Variants in DNAH10 observed in about 807,000 individuals in gnomAD.
DNAH10 encodes the protein axonemal beta dynein heavy chain 10.
DNAH10 carries 348 observed loss-of-function variants against 506.6 expected under a neutral mutation model. That is an observed-to-expected ratio of 0.69 (90% confidence interval 0.63 to 0.75). DNAH10 has a LOEUF of 0.75. Ranked by LOEUF, DNAH10 falls within the 30% of genes least tolerant of loss-of-function variation. DNAH10 has a pLI of 0.00. For missense variants in DNAH10, 5,179 were observed against 5,787.1 expected, an observed-to-expected ratio of 0.89 and a Z score of 3.41; for synonymous variants, 2,059 against 2,198.6, an observed-to-expected ratio of 0.94 and a Z score of 1.78.
chr12:123,860,606 A>G (rs11057374), intron 38 of DNAH10, among the ~76,000 whole-genome samples: 43,931 of 152,118 alleles, frequency 0.29, 6,678 homozygotes, highest in Middle Eastern at 0.38. Flanking sequence ...AGGAGGATTG[A>G]ACATTAGTAG....
intron 34 of DNAH10, among the ~76,000 whole-genome samples, chr12:123,849,128 C>T (rs1358772766): frequency 1.3e-5 from 2 of 152,040 alleles, no homozygotes; most frequent in African/African-American, 4.8e-5. Context: ...TATGAATGGG[C>T]GTGGGGCAGA....
Position 123,864,624 on chromosome 12 carries a change from C to T in DNAH10, c.6938C>T (p.Ala2313Val), listed in dbSNP as rs1951733064. Residue 2313 changes from alanine (A) to valine (V), a missense_variant, in exon 40 of 79, where the codon GCT becomes GTT. Around this residue, in one of 3 missense-constraint regions of DNAH10, gnomAD observed 4,844 missense variants for 5,430.5 expected, o/e 0.89. Coordinates refer to ENST00000673944, the MANE Select transcript of DNAH10 (RefSeq NM_001372106.1). ...ATTTTATTTGATGGTGATGTGGATGCTCTATGGGTGGAAAACATGAATTCT... is the reference window on the plus strand; with the variant it reads ...ATTTTATTTGATGGTGATGTGGATGTTCTATGGGTGGAAAACATGAATTCT... ...KYILFDGDVD[A>V]LWVENMNSVM... 6.2e-7 allele frequency: 1 copy of T among 1,613,930 alleles called. No homozygotes were observed. The highest frequency in any genetic ancestry group is 1.7e-5 in the Admixed American group (1 of 60,020).
chr12:123,924,141 C>A, intron 66 of DNAH10, 137 bp from the exon 67 acceptor site: 1 of 1,239,910 alleles, frequency 8.1e-7, no homozygotes, highest in Non-Finnish European at 1.1e-6. Flanking sequence ...GTGACGAGGG[C>A]AAGCCTGGGC....
intron 76 of DNAH10, 76 bp downstream of exon 76, chr12:123,932,184 C>T (rs890172620): frequency 5.4e-5 from 84 of 1,561,244 alleles, no homozygotes; most frequent in Non-Finnish European, 7.2e-5. Context: ...TCCCAATCCC[C>T]TCTTTCCATT....
Position 123,916,764 on chromosome 12 carries a change from A to G in DNAH10, c.11002+28A>G, listed in dbSNP as rs762257049. The G allele has an allele frequency of 1.9e-6, 3 of 1,580,906 alleles. No homozygotes were observed. The African/African-American group carries it at 4.1e-5, about 21-fold the overall frequency. The stretch of plus-strand genomic sequence containing the variant: ...AAGAATGTGTAGAACCTCCACTGCT[A>G]ATTCAGATGGTTATGAGGGAGACCG... On this transcript the variant is annotated intron_variant, in intron 63 of 78. Coordinates refer to ENST00000673944, the MANE Select transcript of DNAH10 (RefSeq NM_001372106.1). This position sits in a 1 kb window ranked among gnomAD's most constrained non-coding sequence, Gnocchi z 4.6.
At chr12:123,924,640 G>GTCCATCCATCCA (rs201642127) in intron 67 of DNAH10, among the ~76,000 whole-genome samples, 8,300 of 151,622 alleles carry the variant, frequency 0.055, 691 homozygotes, top group African/African-American at 0.18. Flanking sequence ...CTGTCCGTCC[G>GTCCATCCATCCA]TCCATCCATC....
At chr12:123,832,083 C>G (rs994534973) in intron 26 of DNAH10, among the ~76,000 whole-genome samples, 2 of 152,112 alleles carry the variant, frequency 1.3e-5, no homozygotes, top group Admixed American at 6.5e-5. Context: ...TGCAAACACA[C>G]AAAATATACA....
chr12:123,839,215 TAA>T (rs575224560), intron 29 of DNAH10, among the ~76,000 whole-genome samples: 8 of 126,898 alleles, frequency 6.3e-5, no homozygotes, highest in Admixed American at 1.6e-4. Flanking sequence ...TTTTATAAAC[TAA>T]AAAAAAAAAA....
At position 123,881,622 on chromosome 12, in the gene DNAH10, C is replaced by A. The variant is rs1362583581; in HGVS notation, c.8635-3C>A. The A allele has an allele frequency of 2.0e-6, 3 of 1,504,772 alleles. No homozygotes were observed. Among genetic ancestry groups the A allele is most frequent in the Admixed American group, 2.6e-5 (1 of 38,484 alleles). The allele number at this position is 1,504,772 out of a possible 1,614,324, so 93.2% of individuals were successfully genotyped here. ...TGAATTCTTTTTTTTTTTTTAAATG[C>A]AGGAAATTCTTGAAGAGTATAATGA... On this transcript the variant is annotated splice_region_variant and splice_polypyrimidine_tract_variant and intron_variant, in intron 50 of 78. Coordinates refer to ENST00000673944, the MANE Select transcript of DNAH10 (RefSeq NM_001372106.1).
chr12:123,770,971 A>ACTTTTTTTTT (rs1283951087), intron 2 of DNAH10, among the ~76,000 whole-genome samples: 1 of 117,920 alleles, frequency 8.5e-6, no homozygotes, highest in African/African-American at 3.4e-5. Flanking sequence ...GCTAGCTGTA[A>ACTTTTTTTTT]TTCTTTTTTT....
At chr12:123,834,554 T>C (rs7964186) in intron 27 of DNAH10, among the ~76,000 whole-genome samples, 23,853 of 152,150 alleles carry the variant, frequency 0.16, 4,327 homozygotes, top group African/African-American at 0.44. Context: ...ATAAAACTAG[T>C]GATTGTAAAG....
chr12:123,889,881 A>G (rs1014750831), intron 52 of DNAH10, among the ~76,000 whole-genome samples: 6 of 152,076 alleles, frequency 3.9e-5, no homozygotes, highest in African/African-American at 1.4e-4. Flanking sequence ...GCTTCAGGCC[A>G]CCCGTTTCTT....
At chr12:123,841,869 A>G (rs1177720680) in intron 30 of DNAH10, among the ~76,000 whole-genome samples, 1 of 152,124 alleles carries the variant, frequency 6.6e-6, no homozygotes, top group Non-Finnish European at 1.5e-5. Flanking sequence ...ACTTTTTTGT[A>G]GAGAGGGAGT....
In DNAH10 at chr12:123,928,413, G is replaced by A. The variant is rs373544049; in HGVS notation, c.12132G>A (p.Ala4044=). Residue 4044 remains alanine, a synonymous_variant, in exon 70 of 79, where the codon GCG becomes GCA. Transcript: ENST00000673944. The surrounding 1 kb of genome is among the most constrained non-coding windows in gnomAD (Gnocchi z 4.9). ...TGGCCCTGCAGCTGCTGGAGACGGCGGTGGCTCGGGGGCAGTGGCTGATGC... is the reference window on the plus strand; with the variant it reads ...TGGCCCTGCAGCTGCTGGAGACGGCAGTGGCTCGGGGGCAGTGGCTGATGC... The part of the protein sequence containing the change: ...EKVALQLLET[A]VARGQWLMLQ... The A allele has an allele frequency of 2.4e-4, 382 of 1,605,298 alleles. No individual in the cohort carries two copies. In the African/African-American group the frequency reaches 4.7e-3, roughly 20 times the overall value.
In DNAH10 at chr12:123,928,313, G is replaced by A; in HGVS notation, c.12106-74G>A. The A allele has an allele frequency of 6.7e-7, 1 of 1,491,218 alleles. No individual in the cohort carries two copies. Among genetic ancestry groups the A allele is most frequent in the South Asian group, 1.3e-5 (1 of 79,774 alleles). 92.4% of individuals were successfully genotyped at this position (1,491,218 alleles called of 1,614,324 possible). ...GCTGCCATCGCCCTTCTGTGGGTGT[G>A]GAGTGGGTCTCTGGAGAGCACGGGG... is the stretch of plus-strand genomic sequence containing the variant. On this transcript the variant is annotated intron_variant, in intron 69 of 78. Coordinates refer to ENST00000673944, the MANE Select transcript of DNAH10 (RefSeq NM_001372106.1). The surrounding 1 kb of genome is among the most constrained non-coding windows in gnomAD (Gnocchi z 4.9).
intron 12 of DNAH10, among the ~76,000 whole-genome samples, chr12:123,794,700 T>C (rs1017169951): frequency 1.3e-5 from 2 of 151,518 alleles, no homozygotes; most frequent in Non-Finnish European, 2.9e-5. Context: ...ATGAAAATTA[T>C]CCTGGTGTGG....
In DNAH10 at chr12:123,813,270, C is replaced by T. The variant is rs139945975; in HGVS notation, c.3251C>T (p.Pro1084Leu). Reference sequence around the variant, plus strand: ...TTTTACAATGATATCTCTCTGAACCCTCAGATAATTGAACAAGCTGTTATG... The same window carrying T: ...TTTTACAATGATATCTCTCTGAACCTTCAGATAATTGAACAAGCTGTTATG... Reference protein sequence around the residue: ...INFYNDISLNPQIIEQAVMIP... With the variant: ...INFYNDISLNLQIIEQAVMIP... The change falls in exon 20 of 79, where the codon CCT becomes CTT. Residue 1084 changes from proline (P) to leucine (L), a missense_variant. Transcript: ENST00000673944. 1 of 1,614,122 alleles carries T rather than the reference C, an allele frequency of 6.2e-7. No individual in the cohort carries two copies. Among genetic ancestry groups the T allele is most frequent in the African/African-American group, 1.3e-5 (1 of 75,016 alleles).
intron 59 of DNAH10, among the ~76,000 whole-genome samples, chr12:123,912,688 A>G (rs1221385564): frequency 6.6e-6 from 1 of 152,198 alleles, no homozygotes; most frequent in Non-Finnish European, 1.5e-5. Context: ...CAAAATACAA[A>G]GAGAATAAGG....
intron 5 of DNAH10, among the ~76,000 whole-genome samples, chr12:123,780,253 G>A (rs866453507): frequency 4.0e-5 from 6 of 149,866 alleles, no homozygotes; most frequent in African/African-American, 1.5e-4. Context: ...TGCAACCGCC[G>A]CCTCCTGGTT....
Sources: allele counts gnomAD v4.1 joint callset (sites outside exome capture counted in the v4.1 genomes callset), GRCh38; gene constraint gnomAD v4.1.1; regional missense constraint gnomAD v4.1.1; non-coding constraint Gnocchi (gnomAD v3.1); transcripts MANE v1.5; gene names NCBI Gene and HGNC (gene_info 2026-07-23, HGNC 2026-07-21).